Variants in PPARGC1B observed in about 807,000 individuals in gnomAD.
PPARGC1B encodes the protein peroxisome proliferator-activated receptor gamma coactivator 1-beta.
In PPARGC1B, 34 loss-of-function variants were observed where a neutral mutation model predicts 101.6. The observed-to-expected ratio is 0.33, with a 90% CI of 0.25 to 0.45. The LOEUF (loss-of-function observed/expected upper bound fraction) is 0.45. PPARGC1B is among the 20% of genes least tolerant of loss of function. The pLI, the probability that PPARGC1B is intolerant of heterozygous loss-of-function variation, is 1.00. For synonymous variants in PPARGC1B, 548 were observed against 539.3 expected (o/e 1.02, Z -0.22); for missense variants, 1,234 against 1,317.6 (o/e 0.94, Z 0.98).
intron 1 of PPARGC1B, among the ~76,000 whole-genome samples, chr5:149,788,157 A>G (rs1173982691): frequency 6.6e-6 from 1 of 152,236 alleles, no homozygotes; most frequent in African/African-American, 2.4e-5. Flanking sequence ...AATGGGAGAA[A>G]ATTTTTACAA....
At chr5:149,772,960 T>TAAAGGC (rs1467387297) in intron 1 of PPARGC1B, among the ~76,000 whole-genome samples, 4 of 152,206 alleles carry the variant, frequency 2.6e-5, no homozygotes, top group Non-Finnish European at 5.9e-5. Context: ...ACATACCTGG[T>TAAAGGC]GCTTAAGGTA....
At chr5:149,816,766 G>A (rs251463) in intron 1 of PPARGC1B, among the ~76,000 whole-genome samples, 42,287 of 151,972 alleles carry the variant, frequency 0.28, 6,506 homozygotes, top group African/African-American at 0.4. Flanking sequence ...TGCTGGCCTC[G>A]GAGGCCCCAG....
intron 1 of PPARGC1B, among the ~76,000 whole-genome samples, chr5:149,798,437 T>C (rs1483312394): frequency 6.6e-6 from 1 of 152,058 alleles, no homozygotes; most frequent in Non-Finnish European, 1.5e-5. Context: ...TAAAATGGAG[T>C]TCTGAAAAGA....
chr5:149,744,012 C>T (rs768532592), intron 1 of PPARGC1B, among the ~76,000 whole-genome samples: 1 of 152,186 alleles, frequency 6.6e-6, no homozygotes, highest in Non-Finnish European at 1.5e-5. Flanking sequence ...CACTAGGCCT[C>T]ATGCCTATGA....
chr5:149,766,194 G>T (rs1305897335), intron 1 of PPARGC1B, among the ~76,000 whole-genome samples: 2 of 151,938 alleles, frequency 1.3e-5, no homozygotes, highest in Admixed American at 6.6e-5. Context: ...TTAAATTTAT[G>T]ATTATGATTA....
chr5:149,769,072 T>G (rs564408877), intron 1 of PPARGC1B, among the ~76,000 whole-genome samples: 1 of 152,370 alleles, frequency 6.6e-6, no homozygotes, highest in Non-Finnish European at 1.5e-5. Flanking sequence ...CTAGCATCAC[T>G]GCCTCAGCTC....
At chr5:149,776,785 G>A (rs1756375077) in intron 1 of PPARGC1B, among the ~76,000 whole-genome samples, 1 of 152,250 alleles carries the variant, frequency 6.6e-6, no homozygotes, top group Non-Finnish European at 1.5e-5. Context: ...TGGGGCTTCA[G>A]ACAAGTTTGA....
At chr5:149,827,980 G>A (rs900163468) in intron 3 of PPARGC1B, among the ~76,000 whole-genome samples, 2 of 152,118 alleles carry the variant, frequency 1.3e-5, no homozygotes, top group African/African-American at 2.4e-5. Flanking sequence ...TGTTGGAGCC[G>A]GGAGGGTTCT....
intron 1 of PPARGC1B, among the ~76,000 whole-genome samples, chr5:149,765,047 A>G (rs1231073654): frequency 6.9e-6 from 1 of 144,598 alleles, no homozygotes; most frequent in Non-Finnish European, 1.6e-5. Flanking sequence ...AGAGGGTAGT[A>G]CCCAAACACA....
chr5:149,819,803 C>T (rs940085596), intron 1 of PPARGC1B, among the ~76,000 whole-genome samples: 3 of 152,210 alleles, frequency 2.0e-5, no homozygotes, highest in Non-Finnish European at 2.9e-5. Context: ...ATGCCCGGCC[C>T]GTGATACGGG....
At chr5:149,790,134 A>G (rs537337388) in intron 1 of PPARGC1B, among the ~76,000 whole-genome samples, 1 of 152,312 alleles carries the variant, frequency 6.6e-6, no homozygotes, top group African/African-American at 2.4e-5. Context: ...ATTGTGGGGA[A>G]TAAGTGGGAT....
chr5:149,784,533 T>C (rs1438634151), intron 1 of PPARGC1B, among the ~76,000 whole-genome samples: 1 of 148,862 alleles, frequency 6.7e-6, no homozygotes, highest in Non-Finnish European at 1.5e-5. Context: ...CCAGGTGTCC[T>C]GAGCCTCACT....
intron 1 of PPARGC1B, chr5:149,772,160 T>G (rs757092963): frequency 6.5e-5 from 105 of 1,607,926 alleles, no homozygotes; most frequent in African/African-American, 1.1e-4. Context: ...GGCCAGAGGT[T>G]GTTTAGGTGG....
intron 1 of PPARGC1B, among the ~76,000 whole-genome samples, chr5:149,798,747 G>A (rs1221960728): frequency 6.6e-6 from 1 of 152,196 alleles, no homozygotes; most frequent in Admixed American, 6.5e-5. Context: ...GTGATTTTGA[G>A]CACATTGCTT....
At chr5:149,779,028 T>C (rs536211997) in intron 1 of PPARGC1B, among the ~76,000 whole-genome samples, 1 of 152,192 alleles carries the variant, frequency 6.6e-6, no homozygotes, top group African/African-American at 2.4e-5. Context: ...GCCTAGTTTT[T>C]GAATGTCACA....
At position 149,834,725 on chromosome 5, in the gene PPARGC1B, A is replaced by G. The variant is rs1490588275; in HGVS notation, c.1742+15A>G. On this transcript the variant is annotated intron_variant, in intron 6 of 11. Transcript: ENST00000309241. ...TTGTCACAAAGGTAGATTTTTAGAA[A>G]TTATTGGTGTATTGTTCCATGAGAT... The G allele has an allele frequency of 7.5e-6, 12 of 1,608,624 alleles. No homozygotes were observed. Among genetic ancestry groups the G allele is most frequent in the Non-Finnish European group, 1.0e-5 (12 of 1,175,066 alleles).
intron 1 of PPARGC1B, among the ~76,000 whole-genome samples, chr5:149,762,704 C>T (rs1399865604): frequency 1.3e-5 from 2 of 152,226 alleles, no homozygotes; most frequent in Admixed American, 1.3e-4. Flanking sequence ...CAGCCTATTT[C>T]ATTTGGGGAC....
chr5:149,736,748 C>CT (rs1359482010), intron 1 of PPARGC1B, among the ~76,000 whole-genome samples: 2 of 152,114 alleles, frequency 1.3e-5, no homozygotes, highest in Admixed American at 1.3e-4. Flanking sequence ...CTCCTCAGTA[C>CT]ATTTTTTTTT....
intron 10 of PPARGC1B, 87 bp from the exon 11 acceptor site, chr5:149,845,673 C>G (rs970374836): frequency 7.2e-7 from 1 of 1,383,282 alleles, no homozygotes; most frequent in Non-Finnish European, 9.9e-7. Context: ...ATCACTGTGG[C>G]AGTCGGTTCC....
Sources: allele counts gnomAD v4.1 joint callset (sites outside exome capture counted in the v4.1 genomes callset), GRCh38; gene constraint gnomAD v4.1.1; transcripts MANE v1.5; gene names NCBI Gene and HGNC (gene_info 2026-07-23, HGNC 2026-07-21).